PRKG1: variants seen among roughly 807,000 people sequenced by gnomAD.
PRKG1 encodes cGMP-dependent protein kinase 1.
In PRKG1, 35 loss-of-function variants were observed where a neutral mutation model predicts 88.1. The observed-to-expected ratio is 0.40, with a 90% confidence interval of 0.30 to 0.53. The LOEUF (loss-of-function observed/expected upper bound fraction) is 0.53. Ranked by LOEUF, PRKG1 falls within the 20% of genes least tolerant of loss-of-function variation. The pLI is 0.59. For missense variants in PRKG1, 540 were observed against 839.8 expected, an observed-to-expected ratio of 0.64 and a Z score of 4.41; for synonymous variants, 303 against 292.5, an observed-to-expected ratio of 1.04 and a Z score of -0.37.
chr10:51,538,298 T>C lies in PRKG1; in HGVS notation c.592+70462T>C, dbSNP rs374973449. ...TCCCAAATATTTGCAGCTTATGTAA[T>C]GCAATTCGCTGAAAATTATTAATAT... is the stretch of plus-strand genomic sequence containing the variant. On this transcript the variant is annotated intron_variant, in intron 3 of 17. Transcript: ENST00000373980. 3.6e-5 allele frequency among the ~76,000 whole-genome samples: 4 copies of C among 110,886 alleles called. No homozygotes were observed. The East Asian group carries it at 1.1e-3, about 30-fold the overall frequency. The allele number at this position is 110,886 out of a possible 152,430, so 72.7% of individuals were successfully genotyped here.
At chr10:51,275,052 G>C (rs1840078882) in intron 2 of PRKG1, among the ~76,000 whole-genome samples, 1 of 152,214 alleles carries the variant, frequency 6.6e-6, no homozygotes, top group Non-Finnish European at 1.5e-5. Context: ...GAATGACTCA[G>C]TCTTTCTAAC....
chr10:52,269,612 G>A (rs542945185), intron 10 of PRKG1, among the ~76,000 whole-genome samples: 3 of 152,046 alleles, frequency 2.0e-5, no homozygotes, highest in African/African-American at 4.8e-5. Context: ...AATAATTAAC[G>A]ACTAAAGAGG....
chr10:51,824,290 C>T (rs540089445), intron 4 of PRKG1, among the ~76,000 whole-genome samples: 15 of 152,118 alleles, frequency 9.9e-5, no homozygotes, highest in African/African-American at 3.6e-4. Context: ...ACATTGCAAA[C>T]CACATTTCCA....
chr10:52,055,199 A>T (rs1846081784), intron 6 of PRKG1, among the ~76,000 whole-genome samples: 2 of 152,220 alleles, frequency 1.3e-5, no homozygotes, highest in South Asian at 4.1e-4. Context: ...AGAAGCAGTA[A>T]CATTGCTATA....
At chr10:51,431,519 G>A (rs1838769950) in intron 2 of PRKG1, among the ~76,000 whole-genome samples, 5 of 152,170 alleles carry the variant, frequency 3.3e-5, no homozygotes, top group Admixed American at 3.3e-4. Flanking sequence ...GGCTTGCTGG[G>A]TGAGAATTTA....
chr10:52,161,797 A>G (rs1838282251), intron 8 of PRKG1, 92 bp from the exon 9 acceptor site: 1 of 1,033,248 alleles, frequency 9.7e-7, no homozygotes. Context: ...TTTTCTTTAG[A>G]TGTCTTTAGA....
chr10:51,485,134 A>T (rs1271373577), intron 3 of PRKG1, among the ~76,000 whole-genome samples: 1 of 152,182 alleles, frequency 6.6e-6, no homozygotes, highest in Non-Finnish European at 1.5e-5. Flanking sequence ...GAGTTTCTTA[A>T]TACTGAGGTA....
intron 2 of PRKG1, among the ~76,000 whole-genome samples, chr10:51,392,853 T>G (rs293218): frequency 1.5e-4 from 20 of 131,120 alleles, no homozygotes; most frequent in African/African-American, 3.5e-4. Context: ...CTGGCCGGGC[T>G]GGGGGCTGAC....
intron 2 of PRKG1, among the ~76,000 whole-genome samples, chr10:51,404,297 G>A (rs1303643769): frequency 6.6e-6 from 1 of 152,188 alleles, no homozygotes; most frequent in African/African-American, 2.4e-5. Context: ...AATACTTTGT[G>A]TCATGGTTTC....
chr10:51,780,898 A>G (rs748146446), intron 3 of PRKG1, among the ~76,000 whole-genome samples: 29 of 152,312 alleles, frequency 1.9e-4, no homozygotes, highest in South Asian at 4.1e-4. Context: ...GTGTCATCAC[A>G]TAAAATTTTG....
At chr10:51,244,210 T>G (rs1839227335) in intron 2 of PRKG1, among the ~76,000 whole-genome samples, 1 of 152,126 alleles carries the variant, frequency 6.6e-6, no homozygotes, top group Admixed American at 6.6e-5. Context: ...TATTTAAAAC[T>G]TATTAGTTAT....
intron 2 of PRKG1, among the ~76,000 whole-genome samples, chr10:51,398,754 G>A (rs541446211): frequency 6.6e-6 from 1 of 152,178 alleles, no homozygotes; most frequent in Admixed American, 6.5e-5. Context: ...ACTGCTTTAC[G>A]CACCAGTGTG....
At chr10:51,180,929 T>C (rs1837324660) in intron 2 of PRKG1, among the ~76,000 whole-genome samples, 1 of 152,210 alleles carries the variant, frequency 6.6e-6, no homozygotes, top group Non-Finnish European at 1.5e-5. Context: ...GAAAATGAAC[T>C]CTTTAGGGCT....
chr10:51,897,006 C>T (rs1841867205), intron 4 of PRKG1, among the ~76,000 whole-genome samples: 1 of 152,050 alleles, frequency 6.6e-6, no homozygotes, highest in African/African-American at 2.4e-5. Flanking sequence ...ATAAATCTGG[C>T]AGTGATGTGT....
In PRKG1 at chr10:51,510,744, A is replaced by ATT. The variant is rs71459420; in HGVS notation, c.592+42924_592+42925dup. Among the ~76,000 whole-genome samples, 1,115 of 134,174 alleles carry ATT rather than the reference A, an allele frequency of 8.3e-3. 12 individuals are homozygous for ATT. Among genetic ancestry groups the ATT allele is most frequent in the African/African-American group, 0.028 (1,021 of 36,666 alleles). 88.0% of individuals were successfully genotyped at this position (134,174 alleles called of 152,430 possible). Reference sequence around the variant, plus strand: ...TATATGCCTTTCCCTGCATTGTACTATTTTTTTTTTTTTTTTTGAGACAGA... The same window carrying ATT: ...TATATGCCTTTCCCTGCATTGTACTATTTTTTTTTTTTTTTTTTTGAGACAGA... On this transcript the variant is annotated intron_variant, in intron 3 of 17. Coordinates refer to ENST00000373980, the MANE Select transcript of PRKG1 (RefSeq NM_006258.4).
chr10:51,461,464 G>T (rs939383641), intron 2 of PRKG1, among the ~76,000 whole-genome samples: 2 of 152,114 alleles, frequency 1.3e-5, no homozygotes, highest in Admixed American at 1.3e-4. Flanking sequence ...AAACCACTAA[G>T]CAAGATACAT....
At chr10:51,555,000 A>T (rs1416413593) in intron 3 of PRKG1, among the ~76,000 whole-genome samples, 1 of 151,984 alleles carries the variant, frequency 6.6e-6, no homozygotes, top group Admixed American at 6.6e-5. Context: ...CATGCTCTTT[A>T]TGCAGCAAAG....
intron 3 of PRKG1, among the ~76,000 whole-genome samples, chr10:51,750,836 A>G (rs1046391411): frequency 3.5e-4 from 53 of 152,200 alleles, no homozygotes; most frequent in Admixed American, 7.9e-4. Flanking sequence ...TGTGATACCC[A>G]TTAACAACCC....
At chr10:51,846,299 G>A (rs1840395962) in intron 4 of PRKG1, among the ~76,000 whole-genome samples, 1 of 152,100 alleles carries the variant, frequency 6.6e-6, no homozygotes, top group Non-Finnish European at 1.5e-5. Context: ...CTAACAAACA[G>A]TAAAACAACC....
Sources: allele counts gnomAD v4.1 joint callset (sites outside exome capture counted in the v4.1 genomes callset), GRCh38; gene constraint gnomAD v4.1.1; transcripts MANE v1.5; gene names NCBI Gene and HGNC (gene_info 2026-07-23, HGNC 2026-07-21).